USP34: variants seen among roughly 807,000 people sequenced by gnomAD.
USP34 encodes the protein ubiquitin carboxyl-terminal hydrolase 34.
A neutral mutation model predicts 460.3 loss-of-function variants in USP34; 70 were observed. The observed-to-expected ratio is 0.15, with a 90% confidence interval of 0.13 to 0.19. USP34 has a LOEUF of 0.19. Among genes scored for constraint, USP34 ranks in the 10% least tolerant of loss-of-function variants. USP34 has a pLI of 1.00. For synonymous variants in USP34, 1,647 were observed against 1,405.3 expected (o/e 1.17, Z -3.85); for missense variants, 3,985 against 4,236.2 (o/e 0.94, Z 1.65).
intron 21 of USP34, among the ~76,000 whole-genome samples, chr2:61,323,744 T>C (rs1690999442): frequency 6.6e-6 from 1 of 152,346 alleles, no homozygotes; most frequent in African/African-American, 2.4e-5. Context: ...GAAACTTAAA[T>C]GTTCATGGTA....
chr2:61,214,894 A>G (rs1407587026), intron 67 of USP34, among the ~76,000 whole-genome samples, 200 bp from the exon 68 acceptor site: 1 of 152,364 alleles, frequency 6.6e-6, no homozygotes, highest in African/African-American at 2.4e-5. Flanking sequence ...GATACCTTCT[A>G]TTCTGCCATT....
chr2:61,363,366 T>A (rs1261046824), intron 10 of USP34, among the ~76,000 whole-genome samples: 1 of 152,170 alleles, frequency 6.6e-6, no homozygotes, highest in African/African-American at 2.4e-5. Context: ...AGGTACACGA[T>A]CTTGTGTGGC....
At chr2:61,398,298 T>G (rs578218029) in intron 3 of USP34, among the ~76,000 whole-genome samples, 3 of 151,276 alleles carry the variant, frequency 2.0e-5, no homozygotes, top group Non-Finnish European at 2.9e-5. Context: ...ACTTGGGAGG[T>G]CTAGGCTGCA....
rs544680043 is a variant in USP34, at chr2:61,454,609, A to G, written c.43+16041T>C. Among the ~76,000 whole-genome samples, 10 of 151,892 alleles carry G rather than the reference A, an allele frequency of 6.6e-5. No individual in the cohort carries two copies. The East Asian group carries it at 2.0e-3, about 30-fold the overall frequency. On this transcript the variant is annotated intron_variant, in intron 1 of 79. Coordinates refer to ENST00000398571, the MANE Select transcript of USP34 (RefSeq NM_014709.4). ...CTGTCGCCCAGACTACAGTGAAGTG[A>G]CACAACCTCTACTCACTTCAACCTC...
chr2:61,376,995 A>G (rs1692818497), intron 8 of USP34, among the ~76,000 whole-genome samples: 2 of 152,238 alleles, frequency 1.3e-5, no homozygotes, highest in African/African-American at 4.8e-5. Context: ...ATGTCTTGAC[A>G]GTGTGAAACA....
chr2:61,319,302 G>A lies in USP34; in HGVS notation c.3039C>T (p.Ile1013=), dbSNP rs772552356. Residue 1013 remains isoleucine, a synonymous_variant, in exon 22 of 80, where the codon ATC becomes ATT. Transcript: ENST00000398571. ...AATCTTCTACTAAACAATGCCATAA[G>A]ATGTCAACTTGCTCTAAACTTAACC... ...HFRLSLEQVD[I]LWHCLVEDSE... 6.4e-7 allele frequency: 1 copy of A among 1,565,320 alleles called. No individual in the cohort carries two copies. The highest frequency in any genetic ancestry group is 8.6e-7 in the Non-Finnish European group (1 of 1,164,576).
chr2:61,442,406 CAA>C (rs70963430), intron 1 of USP34, among the ~76,000 whole-genome samples: 16 of 121,406 alleles, frequency 1.3e-4, no homozygotes, highest in African/African-American at 1.5e-4. Flanking sequence ...ATCTTAACAG[CAA>C]AAAAAAAAAA....
intron 1 of USP34, among the ~76,000 whole-genome samples, chr2:61,434,556 AG>A (rs1246410385): frequency 6.6e-6 from 1 of 152,210 alleles, no homozygotes; most frequent in East Asian, 1.9e-4. Context: ...CTTGAGAAAC[AG>A]CCCAATGAGC....
intron 48 of USP34, among the ~76,000 whole-genome samples, chr2:61,251,319 T>C: frequency 6.6e-6 from 1 of 152,182 alleles, no homozygotes; most frequent in East Asian, 1.9e-4. Flanking sequence ...TTCAAAAGAA[T>C]GAATAACACT....
chr2:61,451,889 T>C (rs912682587), intron 1 of USP34, among the ~76,000 whole-genome samples: 3 of 151,878 alleles, frequency 2.0e-5, no homozygotes, highest in Admixed American at 6.6e-5. Flanking sequence ...AAAGACTTAA[T>C]TGAAAGCCGG....
At chr2:61,370,656 A>G (rs1692593499) in intron 8 of USP34, 77 bp from the exon 9 acceptor site, 2 of 1,344,562 alleles carry the variant, frequency 1.5e-6, no homozygotes, top group East Asian at 2.4e-5. Context: ...GAGTCAATTG[A>G]AAACCTAAAT....
chr2:61,378,913 GAAAAA>G (rs34463913), intron 7 of USP34, among the ~76,000 whole-genome samples: 1 of 57,870 alleles, frequency 1.7e-5, no homozygotes, highest in Non-Finnish European at 2.8e-5. Context: ...TCAAAAAAAC[GAAAAA>G]AAAAAAAAAA....
At chr2:61,303,194 A>G (rs1572915409) in intron 27 of USP34, among the ~76,000 whole-genome samples, 1 of 151,704 alleles carries the variant, frequency 6.6e-6, no homozygotes, top group East Asian at 1.9e-4. Flanking sequence ...GGCCTCCTGA[A>G]TAGCTGGGAC....
At chr2:61,382,355 C>T (rs1692998752) in intron 6 of USP34, among the ~76,000 whole-genome samples, 1 of 152,162 alleles carries the variant, frequency 6.6e-6, no homozygotes. Context: ...CATTATTCTC[C>T]ACACCAATCT....
intron 15 of USP34, among the ~76,000 whole-genome samples, chr2:61,347,258 G>C (rs565420276): frequency 3.0e-4 from 46 of 152,012 alleles, no homozygotes; most frequent in African/African-American, 1.1e-3. Context: ...TTGAAGACTT[G>C]GTAAGAAAAA....
intron 39 of USP34, among the ~76,000 whole-genome samples, chr2:61,279,755 C>T (rs140315809): frequency 1.8e-4 from 28 of 152,310 alleles, no homozygotes; most frequent in African/African-American, 6.7e-4. Flanking sequence ...TGAGCCACTG[C>T]ACCTGGCCTG....
At chr2:61,466,297 T>C (rs1015502096) in intron 1 of USP34, among the ~76,000 whole-genome samples, 2 of 151,850 alleles carry the variant, frequency 1.3e-5, no homozygotes, top group Non-Finnish European at 2.9e-5. Context: ...TGGTGGCACA[T>C]GCCTGTAGTC....
chr2:61,243,349 A>G (rs1157089647), intron 51 of USP34, among the ~76,000 whole-genome samples: 1 of 149,528 alleles, frequency 6.7e-6, no homozygotes, highest in Non-Finnish European at 1.5e-5. Context: ...GTTTCCCCAC[A>G]TTGGCCATGC....
At chr2:61,372,673 T>C (rs1385897363) in intron 8 of USP34, among the ~76,000 whole-genome samples, 1 of 152,180 alleles carries the variant, frequency 6.6e-6, no homozygotes. Flanking sequence ...GTGCTGTTGC[T>C]GCACTCCAGC....
Sources: allele counts gnomAD v4.1 joint callset (sites outside exome capture counted in the v4.1 genomes callset), GRCh38; gene constraint gnomAD v4.1.1; transcripts MANE v1.5; gene names NCBI Gene and HGNC (gene_info 2026-07-23, HGNC 2026-07-21).